Variants in MNX1 observed in about 807,000 individuals in gnomAD.
The protein encoded by MNX1 is motor neuron and pancreas homeobox 1, also known as motor neuron and pancreas homeobox protein 1.
MNX1 carries 2 observed loss-of-function variants against 17.3 expected under a neutral mutation model. The observed-to-expected ratio is 0.12, with a 90% CI of 0.05 to 0.36. The LOEUF (loss-of-function observed/expected upper bound fraction) is 0.36, where lower values mean the gene tolerates loss of function less well. Ranked by LOEUF, MNX1 falls within the 10% of genes least tolerant of loss-of-function variation. MNX1 has a pLI of 1.00. For synonymous variants in MNX1, 306 were observed against 283.1 expected (o/e 1.08, Z -0.81); for missense variants, 556 against 564.7 (o/e 0.98, Z 0.16).
At chr7:157,008,728 C>T (rs924641911) in intron 1 of MNX1, 9 of 487,900 alleles carry the variant, frequency 1.8e-5, no homozygotes, top group Admixed American at 3.4e-5. Flanking sequence ...GGGTGTTCGG[C>T]GGCTGAAAGC....
chr7:157,010,428 C>A lies in MNX1; in HGVS notation c.-78G>T. 9.0e-7 allele frequency: 1 copy of A among 1,117,046 alleles called. No homozygotes were observed. The highest frequency in any genetic ancestry group is 1.3e-6 in the Non-Finnish European group (1 of 799,278). 69.2% of individuals were successfully genotyped at this position (1,117,046 alleles called of 1,614,324 possible). ...TGCGGGCTCGCGGAGTCAGTGCGTG[C>A]GGTGCAAGCCCGGGGGCTCGGTATT... On this transcript the variant is annotated 5_prime_UTR_variant, in exon 1 of 3. Transcript: ENST00000252971.
chr7:157,009,055 C>T, intron 1 of MNX1: 2 of 1,536,980 alleles, frequency 1.3e-6, no homozygotes, highest in Non-Finnish European at 8.7e-7. Context: ...CCCCCCATAG[C>T]TGGTTCAAGC....
At position 157,009,834 on chromosome 7, in the gene MNX1, C is replaced by T. The variant is rs1227998537; in HGVS notation, c.517G>A (p.Ala173Thr). 6.8e-7 allele frequency: 1 copy of T among 1,466,556 alleles called. No individual in the cohort carries two copies. The highest frequency in any genetic ancestry group is 9.0e-7 in the Non-Finnish European group (1 of 1,112,220). 90.8% of individuals were successfully genotyped at this position (1,466,556 alleles called of 1,614,324 possible). The change falls in exon 1 of 3, where the codon GCT (alanine) becomes ACT (threonine). Residue 173 changes from alanine (A) to threonine (T), a missense_variant. Transcript: ENST00000252971. ...VYGYSAAAAA[A>T]ALAGQHPALS... is the part of the protein sequence containing the mutation. ...GCCGGGTGCTGGCCCGCCAGCGCAG[C>T]CGCCGCCGCCGCCGCGGAGTAGCCG...
rs111254993 is a variant in MNX1, at chr7:157,005,152, G to T, written c.*368C>A. 45 of 231,588 alleles carry T rather than the reference G, an allele frequency of 1.9e-4. No individual in the cohort carries two copies. Among genetic ancestry groups the T allele is most frequent in the African/African-American group, 9.8e-4 (44 of 45,112 alleles). 14.3% of individuals were successfully genotyped at this position (231,588 alleles called of 1,614,324 possible). The stretch of plus-strand genomic sequence containing the variant: ...ACTGTGGGTTTCCGCCTTCTCGGAC[G>T]CGGGGAAAGGGGAGACAGGAGGCTT... On this transcript the variant is annotated 3_prime_UTR_variant, in exon 3 of 3. Coordinates refer to ENST00000252971, the MANE Select transcript of MNX1 (RefSeq NM_005515.4).
At position 157,006,853 on chromosome 7, in the gene MNX1, A is replaced by ATTTTTTTTTT. The variant is rs373662349; in HGVS notation, c.692-224_692-215dup. On this transcript the variant is annotated intron_variant, in intron 1 of 2. Transcript: ENST00000252971. This position sits in a 1 kb window ranked among gnomAD's most constrained non-coding sequence, Gnocchi z 6.3. ...GGATAGTTTGGAGTTAATGAGACCA[A>ATTTTTTTTTT]TTTTTTTTTTTTTTTTTGTCTAGGA... is the stretch of plus-strand genomic sequence containing the variant. 11,404 of 271,512 alleles carry ATTTTTTTTTT rather than the reference A, an allele frequency of 0.042. 1,089 individuals are homozygous for ATTTTTTTTTT. The highest frequency in any genetic ancestry group is 0.18 in the African/African-American group (4,829 of 26,378). 16.8% of individuals were successfully genotyped at this position (271,512 alleles called of 1,614,324 possible).
Position 157,010,480 on chromosome 7 carries a change from A to T in MNX1, c.-130T>A. 3.4e-6 allele frequency: 2 copies of T among 586,042 alleles called. No homozygotes were observed. Among genetic ancestry groups the T allele is most frequent in the Non-Finnish European group, 5.3e-6 (2 of 375,064 alleles). 36.3% of individuals were successfully genotyped at this position (586,042 alleles called of 1,614,324 possible). A position where few individuals can be genotyped will look rare whatever the true frequency, so the allele number is the denominator to read the frequency against. The stretch of plus-strand genomic sequence containing the variant: ...TTATGGTGGTTATTTGCCAATAATC[A>T]AAGTCGCCGCCGGAAACTCAGCCGA... On this transcript the variant is annotated 5_prime_UTR_variant, in exon 1 of 3. Transcript: ENST00000252971.
chr7:157,005,537 G>A lies in MNX1; in HGVS notation c.1189C>T (p.Gln397Ter). ...DDSPPPRPSH[Q>*]PAPQ is the part of the protein sequence containing the mutation. ...CGGGGCTCCTACTGGGGCGCGGGCT[G>A]GTGGCTGGGCCGCGGGGGCGGCGAG... The change falls in exon 3 of 3, where the codon CAG becomes TAG. Residue 397 changes from glutamine to a stop codon, truncating the protein, a stop_gained. Transcript: ENST00000252971. LOFTEE classifies it high-confidence loss of function. The A allele has an allele frequency of 1.3e-6, 2 of 1,527,934 alleles. No homozygotes were observed. The highest frequency in any genetic ancestry group is 1.8e-6 in the Non-Finnish European group (2 of 1,142,518). 94.6% of individuals were successfully genotyped at this position (1,527,934 alleles called of 1,614,324 possible).
chr7:157,009,196 G>A (rs1805660147), intron 1 of MNX1: 2 of 1,460,002 alleles, frequency 1.4e-6, no homozygotes, highest in Non-Finnish European at 1.8e-6. Flanking sequence ...CATTTCTCTT[G>A]TTTGCTGCTC....
In MNX1 at chr7:157,006,853, A is replaced by AT. The variant is rs373662349; in HGVS notation, c.692-215dup. 18,073 of 272,694 alleles carry AT rather than the reference A, an allele frequency of 0.066. 104 individuals are homozygous for AT. The highest frequency in any genetic ancestry group is 0.1 in the Middle Eastern group (96 of 924). 16.9% of individuals were successfully genotyped at this position (272,694 alleles called of 1,614,324 possible). A position where few individuals can be genotyped will look rare whatever the true frequency, so the allele number is the denominator to read the frequency against. ...GGATAGTTTGGAGTTAATGAGACCA[A>AT]TTTTTTTTTTTTTTTTTGTCTAGGA... On this transcript the variant is annotated intron_variant, in intron 1 of 2. Coordinates refer to ENST00000252971, the MANE Select transcript of MNX1 (RefSeq NM_005515.4). The surrounding 1 kb of genome is among the most constrained non-coding windows in gnomAD (Gnocchi z 6.3).
chr7:157,006,805 A>C lies in MNX1; in HGVS notation c.692-166T>G. ...AGTGCCCACTCCCCAAGGAATGCGG[A>C]CTCAGGACCACCAAGTGGAAATGGA... On this transcript the variant is annotated intron_variant, in intron 1 of 2. Transcript: ENST00000252971. The surrounding 1 kb of genome is among the most constrained non-coding windows in gnomAD (Gnocchi z 6.3). 1 of 646,344 alleles carries C rather than the reference A, an allele frequency of 1.5e-6. No individual in the cohort carries two copies. 40.0% of individuals were successfully genotyped at this position (646,344 alleles called of 1,614,324 possible).
chr7:157,006,853 A>ATTTTT lies in MNX1; in HGVS notation c.692-219_692-215dup, dbSNP rs373662349. ...GGATAGTTTGGAGTTAATGAGACCA[A>ATTTTT]TTTTTTTTTTTTTTTTTGTCTAGGA... On this transcript the variant is annotated intron_variant, in intron 1 of 2. Transcript: ENST00000252971. This position sits in a 1 kb window ranked among gnomAD's most constrained non-coding sequence, Gnocchi z 6.3. 2.6e-4 allele frequency: 72 copies of ATTTTT among 273,798 alleles called. No homozygotes were observed. The highest frequency in any genetic ancestry group is 1.0e-3 in the Middle Eastern group (1 of 958). The allele number at this position is 273,798 out of a possible 1,614,324, so 17.0% of individuals were successfully genotyped here. A position where few individuals can be genotyped will look rare whatever the true frequency, so the allele number is the denominator to read the frequency against.
intron 2 of MNX1, 104 bp from the exon 3 acceptor site, chr7:157,005,977 T>G (rs1805590450): frequency 7.5e-7 from 1 of 1,331,392 alleles, no homozygotes; most frequent in Non-Finnish European, 1.1e-6. Context: ...GGGTCGGCCC[T>G]GGAATGGCCT....
chr7:157,005,160 AG>A lies in MNX1; in HGVS notation c.*359del, dbSNP rs962443060. On this transcript the variant is annotated 3_prime_UTR_variant, in exon 3 of 3. Transcript: ENST00000252971. The stretch of plus-strand genomic sequence containing the variant: ...TTTCCGCCTTCTCGGACGCGGGGAA[AG>A]GGGAGACAGGAGGCTTCCCCTTGCG... 4.3e-6 allele frequency: 1 copy of A among 232,626 alleles called. No homozygotes were observed. The highest frequency in any genetic ancestry group is 8.5e-6 in the Non-Finnish European group (1 of 117,974). 14.4% of individuals were successfully genotyped at this position (232,626 alleles called of 1,614,324 possible).
chr7:157,010,454 G>T lies in MNX1; in HGVS notation c.-104C>A. 1.4e-6 allele frequency: 1 copy of T among 707,554 alleles called. No homozygotes were observed. The highest frequency in any genetic ancestry group is 2.1e-6 in the Non-Finnish European group (1 of 474,766). 43.8% of individuals were successfully genotyped at this position (707,554 alleles called of 1,614,324 possible). The stretch of plus-strand genomic sequence containing the variant: ...GGTGCAAGCCCGGGGGCTCGGTATT[G>T]TTATGGTGGTTATTTGCCAATAATC... On this transcript the variant is annotated 5_prime_UTR_variant, in exon 1 of 3. Coordinates refer to ENST00000252971, the MANE Select transcript of MNX1 (RefSeq NM_005515.4).
Position 157,009,749 on chromosome 7 carries a change from A to T in MNX1, c.602T>A (p.Ile201Asn). 11 of 1,606,246 alleles carry T rather than the reference A, an allele frequency of 6.8e-6. No homozygotes were observed. The highest frequency in any genetic ancestry group is 9.3e-6 in the Non-Finnish European group (11 of 1,178,338). ...CTGGAAGGTGCCGGCGCCCAGCTTG[A>T]TGGGGTCGGCGGGGTGCGCGGGGTG... Reference protein sequence around the residue: ...GAHPAHPADPIKLGAGTFQLD... With the variant: ...GAHPAHPADPNKLGAGTFQLD... The change falls in exon 1 of 3, where the codon ATC becomes AAC. Residue 201 changes from isoleucine (I) to asparagine (N), a missense_variant. This residue lies in a region of MNX1 where 210 missense variants were observed against 211.3 expected (regional missense o/e 0.99). Transcript: ENST00000252971.
In MNX1 at chr7:157,010,441, G is replaced by A. The variant is rs955807343; in HGVS notation, c.-91C>T. 2.1e-6 allele frequency: 2 copies of A among 941,412 alleles called. No homozygotes were observed. Among genetic ancestry groups the A allele is most frequent in the Admixed American group, 5.6e-5 (2 of 35,434 alleles). 58.3% of individuals were successfully genotyped at this position (941,412 alleles called of 1,614,324 possible). ...AGTCAGTGCGTGCGGTGCAAGCCCGGGGGCTCGGTATTGTTATGGTGGTTA... is the reference window on the plus strand; with the variant it reads ...AGTCAGTGCGTGCGGTGCAAGCCCGAGGGCTCGGTATTGTTATGGTGGTTA... On this transcript the variant is annotated 5_prime_UTR_variant, in exon 1 of 3. Coordinates refer to ENST00000252971, the MANE Select transcript of MNX1 (RefSeq NM_005515.4).
chr7:157,009,044 T>C, intron 1 of MNX1: 5 of 1,536,672 alleles, frequency 3.3e-6, no homozygotes, highest in Non-Finnish European at 4.4e-6. Flanking sequence ...CTGTTGAGAG[T>C]CCCCCCATAG....
Position 157,006,660 on chromosome 7 carries a change from A to G in MNX1, c.692-21T>C. On this transcript the variant is annotated intron_variant, in intron 1 of 2. Coordinates refer to ENST00000252971, the MANE Select transcript of MNX1 (RefSeq NM_005515.4). This position sits in a 1 kb window ranked among gnomAD's most constrained non-coding sequence, Gnocchi z 6.3. ...CTGGGCTGGGGACCAAAGGGCAGTG[A>G]GGCCCACAGCCGGCTCCGGTCCTCG... 6.4e-7 allele frequency: 1 copy of G among 1,564,770 alleles called. No homozygotes were observed. The highest frequency in any genetic ancestry group is 1.3e-5 in the African/African-American group (1 of 74,302).
Position 157,006,158 on chromosome 7 carries a change from G to A in MNX1, c.853-285C>T. On this transcript the variant is annotated intron_variant, in intron 2 of 2. Transcript: ENST00000252971. The surrounding 1 kb of genome is among the most constrained non-coding windows in gnomAD (Gnocchi z 6.3). ...TTTTCTACCCGCGCCCTCCGTCTGC[G>A]GAGGAAGGGTCAGGGCAGCTGGCTA... 1.7e-6 allele frequency: 1 copy of A among 587,542 alleles called. No individual in the cohort carries two copies. The highest frequency in any genetic ancestry group is 3.0e-6 in the Non-Finnish European group (1 of 332,758). The allele number at this position is 587,542 out of a possible 1,614,324, so 36.4% of individuals were successfully genotyped here. A position where few individuals can be genotyped will look rare whatever the true frequency, so the allele number is the denominator to read the frequency against.
Sources: allele counts gnomAD v4.1 joint callset, GRCh38; gene constraint gnomAD v4.1.1; regional missense constraint gnomAD v4.1.1; non-coding constraint Gnocchi (gnomAD v3.1); transcripts MANE v1.5; gene names NCBI Gene and HGNC (gene_info 2026-07-23, HGNC 2026-07-21).